Variants in STEAP2 observed in about 807,000 individuals in gnomAD.
STEAP2 encodes the protein metalloreductase STEAP2.
In STEAP2, 30 loss-of-function variants were observed where a neutral mutation model predicts 46.4. The observed-to-expected ratio is 0.65, with a 90% CI of 0.48 to 0.88. The LOEUF is 0.88. Among genes scored for constraint, STEAP2 ranks in the 40% least tolerant of loss-of-function variants. The probability of loss-of-function intolerance (pLI) is 0.00; values close to 1 mark genes in which losing one functional copy is unlikely to be tolerated. For missense variants in STEAP2, 513 were observed against 579.3 expected (o/e 0.89, Z 1.18); for synonymous variants, 180 against 200.5 (o/e 0.90, Z 0.86).
At chr7:90,216,691 T>A (rs181815504) in intron 2 of STEAP2, 88 bp downstream of exon 2, 1 of 152,320 alleles carries the variant, frequency 6.6e-6, no homozygotes, top group Non-Finnish European at 1.5e-5. Context: ...GAAAGCCACA[T>A]CTACTATCGC....
rs942959123 is a variant in STEAP2 at position 90,227,211 on chromosome 7, A to G, written c.733A>G (p.Ser245Gly). Residue 245 changes from serine to glycine, a missense_variant, in exon 4 of 6, where the codon AGT becomes GGT. Transcript: ENST00000394621. ...VIHPYARNQQ[S>G]DFYKIPIEIV... is the part of the protein sequence containing the mutation. ...TCATCCATATGCTAGAAACCAACAG[A>G]GTGACTTTTACAAAATTCCTATAGA... 6.2e-7 allele frequency: 1 copy of G among 1,613,666 alleles called. No individual in the cohort carries two copies. The highest frequency in any genetic ancestry group is 1.3e-5 in the African/African-American group (1 of 74,902).
In STEAP2 at chr7:90,225,278, G is replaced by T. The variant is rs1178178506; in HGVS notation, c.196G>T (p.Ala66Ser). The change falls in exon 3 of 6, where the codon GCT (alanine) becomes TCT (serine). Residue 66 changes from alanine to serine, a missense_variant. Transcript: ENST00000394621. ...CATAGGAAGTAGAAATCCTAAGTTT[G>T]CTTCTGAATTTTTTCCTCATGTGGT... Reference protein sequence around the residue: ...VVIGSRNPKFASEFFPHVVDV... With the variant: ...VVIGSRNPKFSSEFFPHVVDV... The T allele has an allele frequency of 6.2e-7, 1 of 1,613,968 alleles. No homozygotes were observed. The highest frequency in any genetic ancestry group is 1.1e-5 in the South Asian group (1 of 91,072).
At position 90,229,966 on chromosome 7, in the gene STEAP2, C is replaced by T. The variant is rs1795670546; in HGVS notation, c.1115C>T (p.Ser372Phe). Reference sequence around the variant, plus strand: ...GGCATAATGAGCCTTGGCTTACTTTCCCTCCTGGCAGTCACTTCTATCCCT... The same window carrying T: ...GGCATAATGAGCCTTGGCTTACTTTTCCTCCTGGCAGTCACTTCTATCCCT... The part of the protein sequence containing the change: ...SFGIMSLGLL[S>F]LLAVTSIPSV... The change falls in exon 5 of 6, where the codon TCC (serine) becomes TTC (phenylalanine). Residue 372 changes from serine to phenylalanine, a missense_variant. Transcript: ENST00000394621. The T allele has an allele frequency of 6.2e-7, 1 of 1,613,520 alleles. No individual in the cohort carries two copies. Among genetic ancestry groups the T allele is most frequent in the Non-Finnish European group, 8.5e-7 (1 of 1,179,634 alleles).
chr7:90,219,977 T>C (rs541448629), intron 2 of STEAP2, among the ~76,000 whole-genome samples: 1 of 152,328 alleles, frequency 6.6e-6, no homozygotes, highest in African/African-American at 2.4e-5. Flanking sequence ...TCCTCCTGCA[T>C]TGGCCTCCCA....
chr7:90,223,017 T>C (rs148508904), intron 2 of STEAP2, among the ~76,000 whole-genome samples: 1 of 152,312 alleles, frequency 6.6e-6, no homozygotes, highest in African/African-American at 2.4e-5. Flanking sequence ...TTTGTATTCT[T>C]GAGCAAATTA....
downstream of STEAP2, among the ~76,000 whole-genome samples, chr7:90,241,502 T>C (rs963198375): frequency 6.6e-6 from 1 of 152,236 alleles, no homozygotes; most frequent in Admixed American, 6.5e-5. Flanking sequence ...TAGTATGATA[T>C]GGACCAGGAA....
In STEAP2 at chr7:90,235,341, T is replaced by TA. The variant is rs1257825093; in HGVS notation, c.*2720dup. ...TATATTTACTATAATTCTAAATGTT[T>TA]AAATGCTTTTCTAAAAATGCAAAAC... is the stretch of plus-strand genomic sequence containing the variant. On this transcript the variant is annotated 3_prime_UTR_variant, in exon 6 of 6. Transcript: ENST00000394621. 6.3e-6 allele frequency: 6 copies of TA among 952,850 alleles called. No homozygotes were observed. In the Admixed American group the frequency reaches 2.5e-4, roughly 39 times the overall value. The allele number at this position is 952,850 out of a possible 1,614,324, so 59.0% of individuals were successfully genotyped here.
At position 90,236,739 on chromosome 7, in the gene STEAP2, A is replaced by C. The variant is rs982745315; in HGVS notation, c.*4115A>C. On this transcript the variant is annotated 3_prime_UTR_variant, in exon 6 of 6. Coordinates refer to ENST00000394621, the MANE Select transcript of STEAP2 (RefSeq NM_001244944.2). Reference sequence around the variant, plus strand: ...TTTTTTTAACTTTCTAAATTATTGAATTTCCATCATGCATTCATCCAAAAT... The same window carrying C: ...TTTTTTTAACTTTCTAAATTATTGACTTTCCATCATGCATTCATCCAAAAT... The C allele has an allele frequency of 9.3e-6, 13 of 1,403,864 alleles. No homozygotes were observed. Among genetic ancestry groups the C allele is most frequent in the African/African-American group, 1.5e-5 (1 of 68,164 alleles). 87.0% of individuals were successfully genotyped at this position (1,403,864 alleles called of 1,614,324 possible).
intron 1 of STEAP2, among the ~76,000 whole-genome samples, chr7:90,214,874 T>C (rs556854737): frequency 5.8e-4 from 88 of 152,296 alleles, no homozygotes; most frequent in African/African-American, 1.9e-3. Flanking sequence ...CAAAAATTCA[T>C]TGTCTCCAAT....
intron 1 of STEAP2, chr7:90,215,423 A>G (rs1794975736): frequency 6.6e-6 from 1 of 152,232 alleles, no homozygotes; most frequent in African/African-American, 2.4e-5. Context: ...AAACCTTAAG[A>G]GGCTGTCCAG....
At chr7:90,242,950 G>A (rs554220191), downstream of STEAP2, among the ~76,000 whole-genome samples, 23 of 152,320 alleles carry the variant, frequency 1.5e-4, no homozygotes, top group African/African-American at 4.6e-4. Context: ...CTACAGACTA[G>A]TATAACAGGA....
In STEAP2 at chr7:90,211,930, C is replaced by A. The variant is rs1032648992; in HGVS notation, c.-262C>A. ...CGGCAGCCACCCTGCAACCGCCAGT[C>A]GGAGGTGCAGTCCGTAGGCCCTGGC... is the stretch of plus-strand genomic sequence containing the variant. On this transcript the variant is annotated 5_prime_UTR_variant, in exon 1 of 6. Coordinates refer to ENST00000394621, the MANE Select transcript of STEAP2 (RefSeq NM_001244944.2). The A allele has an allele frequency of 6.6e-6, 1 of 152,430 alleles. No individual in the cohort carries two copies. The highest frequency in any genetic ancestry group is 1.9e-4 in the East Asian group (1 of 5,186). The allele number at this position is 152,430 out of a possible 1,614,324, so 9.4% of individuals were successfully genotyped here.
chr7:90,236,840 T>A lies in STEAP2; in HGVS notation c.*4216T>A, dbSNP rs779075006. The A allele has an allele frequency of 6.2e-7, 1 of 1,610,062 alleles. No homozygotes were observed. The highest frequency in any genetic ancestry group is 1.1e-5 in the South Asian group (1 of 90,382). On this transcript the variant is annotated 3_prime_UTR_variant, in exon 6 of 6. Coordinates refer to ENST00000394621, the MANE Select transcript of STEAP2 (RefSeq NM_001244944.2). The stretch of plus-strand genomic sequence containing the variant: ...CACAAAAGCAGATGCTTTTGTATGA[T>A]CTCCAAATTGCCAACTTTAAGGAAA...
At position 90,236,711 on chromosome 7, in the gene STEAP2, A is replaced by C; in HGVS notation, c.*4087A>C. The C allele has an allele frequency of 9.3e-6, 13 of 1,396,284 alleles. No homozygotes were observed. The highest frequency in any genetic ancestry group is 1.2e-5 in the Non-Finnish European group (13 of 1,079,950). The allele number at this position is 1,396,284 out of a possible 1,614,324, so 86.5% of individuals were successfully genotyped here. A position where few individuals can be genotyped will look rare whatever the true frequency, so the allele number is the denominator to read the frequency against. ...ATGTTTTGTTCAGCCTAACATACTG[A>C]GTTTTTTTTAACTTTCTAAATTATT... is the stretch of plus-strand genomic sequence containing the variant. On this transcript the variant is annotated 3_prime_UTR_variant, in exon 6 of 6. Transcript: ENST00000394621.
At position 90,235,133 on chromosome 7, in the gene STEAP2, T is replaced by A; in HGVS notation, c.*2509T>A. ...CTATTAAAGCATATATTGTTGCATG[T>A]ATATATTAAGTAGCCGATACTCTAA... is the stretch of plus-strand genomic sequence containing the variant. On this transcript the variant is annotated 3_prime_UTR_variant, in exon 6 of 6. Transcript: ENST00000394621. The A allele has an allele frequency of 1.1e-6, 1 of 945,086 alleles. No homozygotes were observed. The highest frequency in any genetic ancestry group is 1.3e-6 in the Non-Finnish European group (1 of 793,044). 58.5% of individuals were successfully genotyped at this position (945,086 alleles called of 1,614,324 possible). A position where few individuals can be genotyped will look rare whatever the true frequency, so the allele number is the denominator to read the frequency against.
Position 90,227,066 on chromosome 7 carries a change from A to G in STEAP2, c.588A>G (p.Ser196=), listed in dbSNP as rs770583091. The part of the protein sequence containing the change: ...NFIPIDLGSL[S]SAREIENLPL... Reference sequence around the variant, plus strand: ...TTCCCATTGACTTGGGATCCTTATCATCAGCCAGAGAGATTGAAAATTTAC... The same window carrying G: ...TTCCCATTGACTTGGGATCCTTATCGTCAGCCAGAGAGATTGAAAATTTAC... The change falls in exon 4 of 6, where the codon TCA becomes TCG. Residue 196 remains serine (S), a synonymous_variant. Transcript: ENST00000394621. 1 of 1,613,772 alleles carries G rather than the reference A, an allele frequency of 6.2e-7. No individual in the cohort carries two copies. Among genetic ancestry groups the G allele is most frequent in the Middle Eastern group, 1.7e-4 (1 of 6,058 alleles).
At position 90,230,046 on chromosome 7, in the gene STEAP2, G is replaced by A; in HGVS notation, c.1185+10G>A. The stretch of plus-strand genomic sequence containing the variant: ...ATTCAGTTTTATTCAGGTATGTGGG[G>A]TTTTGTTTGGTGAAGGATTGTGCAG... On this transcript the variant is annotated intron_variant, in intron 5 of 5. Transcript: ENST00000394621. 1.9e-6 allele frequency: 3 copies of A among 1,609,424 alleles called. No individual in the cohort carries two copies. Among genetic ancestry groups the A allele is most frequent in the Non-Finnish European group, 2.5e-6 (3 of 1,178,080 alleles).
At chr7:90,226,459 T>C (rs756333275) in intron 3 of STEAP2, among the ~76,000 whole-genome samples, 10 of 152,174 alleles carry the variant, frequency 6.6e-5, no homozygotes, top group Admixed American at 1.3e-4. Flanking sequence ...TTCTTATTTG[T>C]GTTATAAAAG....
intron 5 of STEAP2, among the ~76,000 whole-genome samples, chr7:90,231,762 C>G (rs1383069591): frequency 1.3e-5 from 2 of 151,916 alleles, no homozygotes; most frequent in Admixed American, 1.3e-4. Flanking sequence ...ATACACATTT[C>G]TTTAATACAC....
Sources: gnomAD v4.1 joint callset for allele counts (sites outside exome capture counted in the v4.1 genomes callset) on GRCh38, gnomAD v4.1.1 for gene constraint, MANE v1.5 for transcripts, NCBI Gene and HGNC (gene_info 2026-07-23, HGNC 2026-07-21) for gene names.